Variants in ATAD2 observed in about 807,000 individuals in gnomAD.
The protein encoded by ATAD2 is ATPase family AAA domain containing 2, also known as ATPase family AAA domain-containing protein 2.
ATAD2 carries 62 observed loss-of-function variants against 168.9 expected under a neutral mutation model. The observed-to-expected ratio is 0.37, with a 90% confidence interval of 0.30 to 0.45. The LOEUF (loss-of-function observed/expected upper bound fraction) is 0.45. Among genes scored for constraint, ATAD2 ranks in the 20% least tolerant of loss-of-function variants. The probability of loss-of-function intolerance (pLI) is 1.00; values close to 1 mark genes in which losing one functional copy is unlikely to be tolerated. For missense variants in ATAD2, 1,419 were observed against 1,667.8 expected (o/e 0.85, Z 2.60); for synonymous variants, 613 against 571.6 (o/e 1.07, Z -1.03).
intron 24 of ATAD2, among the ~76,000 whole-genome samples, chr8:123,329,992 T>C (rs1827732827): frequency 6.8e-6 from 1 of 147,512 alleles, no homozygotes. Context: ...TTTTTTTTTT[T>C]TTTTTTTTTT....
intron 13 of ATAD2, chr8:123,356,001 T>G (rs1828630636): frequency 6.5e-6 from 1 of 152,792 alleles, no homozygotes; most frequent in Non-Finnish European, 1.5e-5. Context: ...CACTGCAACC[T>G]CCGCCTCCCG....
At chr8:123,351,361 G>C (rs1828453529) in intron 13 of ATAD2, among the ~76,000 whole-genome samples, 1 of 152,098 alleles carries the variant, frequency 6.6e-6, no homozygotes, top group South Asian at 2.1e-4. Flanking sequence ...CGTGTAAGAT[G>C]TTTAACAGCC....
In ATAD2 at chr8:123,346,711, C is replaced by G. The variant is rs1828255270; in HGVS notation, c.2252G>C (p.Ser751Thr). ...ATAAACTGATGGAACATCATCATCACTGTAAGCCAAGTCACTTTCTAGCAG... is the reference window on the plus strand; with the variant it reads ...ATAAACTGATGGAACATCATCATCAGTGTAAGCCAAGTCACTTTCTAGCAG... ...CPLLESDLAY[S>T]DDDVPSVYEN... The change falls in exon 17 of 28, where the codon AGT becomes ACT. Residue 751 changes from serine (S) to threonine (T), a missense_variant. Ser to Thr is a moderately conservative substitution (Grantham distance 58). This residue lies in a region of ATAD2 where 545 missense variants were observed against 724.9 expected (regional missense o/e 0.75). Coordinates refer to ENST00000287394, the MANE Select transcript of ATAD2 (RefSeq NM_014109.4). 6.3e-7 allele frequency: 1 copy of G among 1,596,496 alleles called. No individual in the cohort carries two copies. Among genetic ancestry groups the G allele is most frequent in the African/African-American group, 1.3e-5 (1 of 74,198 alleles).
chr8:123,337,672 T>C lies in ATAD2; in HGVS notation c.3004A>G (p.Ile1002Val), dbSNP rs1490945967. 5 of 1,613,372 alleles carry C rather than the reference T, an allele frequency of 3.1e-6. No homozygotes were observed. The highest frequency in any genetic ancestry group is 4.2e-6 in the Non-Finnish European group (5 of 1,179,732). Reference protein sequence around the residue: ...FLRNVTHRLAIDKRFRVFTKP... With the variant: ...FLRNVTHRLAVDKRFRVFTKP... ...GTAAACACTCGGAATCGCTTGTCAA[T>C]AGCAAGCCTATGTGTAACATTTCTT... The change falls in exon 21 of 28, where the codon ATT becomes GTT. Residue 1002 changes from isoleucine (I) to valine (V), a missense_variant. By Grantham distance (29) the Ile-to-Val change is conservative. Coordinates refer to ENST00000287394, the MANE Select transcript of ATAD2 (RefSeq NM_014109.4).
intron 1 of ATAD2, among the ~76,000 whole-genome samples, chr8:123,405,545 T>C (rs1167140966): frequency 1.3e-5 from 2 of 152,284 alleles, no homozygotes; most frequent in African/African-American, 4.8e-5. Context: ...ATTACAGACA[T>C]GAACCACCAC....
intron 20 of ATAD2, 70 bp from the exon 21 acceptor site, chr8:123,337,891 AAC>A (rs1273091587): frequency 7.8e-6 from 11 of 1,418,232 alleles, no homozygotes; most frequent in Non-Finnish European, 1.0e-5. Flanking sequence ...ATTTAATGAA[AAC>A]AGAGTCAGGA....
intron 24 of ATAD2, among the ~76,000 whole-genome samples, chr8:123,328,798 A>AAT (rs1554641494): frequency 0.024 from 3,016 of 126,898 alleles, 131 homozygotes; most frequent in African/African-American, 0.087. Context: ...TTATCTTGAA[A>AAT]TTTTTTTTTT....
chr8:123,374,904 T>C (rs1829258245), intron 2 of ATAD2, among the ~76,000 whole-genome samples: 1 of 152,174 alleles, frequency 6.6e-6, no homozygotes, highest in South Asian at 2.1e-4. Flanking sequence ...AGTAAGTAAG[T>C]ATGTAGATCG....
rs1827555434 is a variant in ATAD2 at position 123,324,592 on chromosome 8, A to T, written c.4002+1301T>A. 2.6e-5 allele frequency among the ~76,000 whole-genome samples: 4 copies of T among 152,152 alleles called. No individual in the cohort carries two copies. The South Asian group carries it at 8.3e-4, about 32-fold the overall frequency. On this transcript the variant is annotated intron_variant, in intron 26 of 27. Transcript: ENST00000287394. ...GTTACAGAGGTGATGGCTATTCCAA[A>T]AGTACAGAATAATAGAGCAAATGAT...
In ATAD2 at chr8:123,359,697, G is replaced by C. The variant is rs777761850; in HGVS notation, c.1158-12C>G. On this transcript the variant is annotated splice_polypyrimidine_tract_variant and intron_variant, in intron 9 of 27. Coordinates refer to ENST00000287394, the MANE Select transcript of ATAD2 (RefSeq NM_014109.4). The stretch of plus-strand genomic sequence containing the variant: ...TTAGTGGGAGGCACCTATTTAAAAA[G>C]ATTTTTTAAAACCACACAAACCCAT... The C allele has an allele frequency of 6.3e-7, 1 of 1,591,388 alleles. No individual in the cohort carries two copies. Among genetic ancestry groups the C allele is most frequent in the Non-Finnish European group, 8.6e-7 (1 of 1,163,004 alleles).
chr8:123,394,507 T>C (rs962181110), intron 1 of ATAD2, among the ~76,000 whole-genome samples: 1 of 152,052 alleles, frequency 6.6e-6, no homozygotes, highest in East Asian at 1.9e-4. Context: ...TGTATGTCTG[T>C]AATCCCAGCT....
At chr8:123,373,585 G>A (rs957873449) in intron 2 of ATAD2, among the ~76,000 whole-genome samples, 1 of 151,604 alleles carries the variant, frequency 6.6e-6, no homozygotes, top group Non-Finnish European at 1.5e-5. Context: ...TCAGGAAATC[G>A]AGACCATCCT....
chr8:123,391,485 G>GAAAAAAAA (rs10563871), intron 1 of ATAD2, among the ~76,000 whole-genome samples: 1 of 33,858 alleles, frequency 3.0e-5, no homozygotes, highest in African/African-American at 1.1e-4. Flanking sequence ...GAGAAGTTTT[G>GAAAAAAAA]AAAAAAAAAA....
chr8:123,326,892 G>A (rs1827630856), intron 25 of ATAD2, among the ~76,000 whole-genome samples: 2 of 152,072 alleles, frequency 1.3e-5, no homozygotes, highest in Non-Finnish European at 2.9e-5. Context: ...AAGGCCAGGA[G>A]AGGTGAAGAG....
intron 1 of ATAD2, chr8:123,401,917 G>C: frequency 1.3e-6 from 1 of 775,060 alleles, no homozygotes; most frequent in Non-Finnish European, 2.4e-6. Flanking sequence ...AGGACAAAGG[G>C]TCCATTCAGA....
chr8:123,404,566 T>TC lies in ATAD2; in HGVS notation c.-2281-3392_-2281-3391insG, dbSNP rs1491356545. ...CAAGTCTCTCCCCACTTTCTCTCTC[T>TC]TTTTTTTTTTTTTCTTTTGAGATGG... On this transcript the variant is annotated intron_variant, in intron 1 of 28. Coordinates refer to the ATAD2 transcript ENST00000521903. 5.2e-4 allele frequency among the ~76,000 whole-genome samples: 68 copies of TC among 130,752 alleles called. 2 individuals carry two copies. In the South Asian group the frequency reaches 0.013, roughly 26 times the overall value. 85.8% of individuals were successfully genotyped at this position (130,752 alleles called of 152,430 possible).
In ATAD2 at chr8:123,325,766, G is replaced by A. The variant is rs1827598154; in HGVS notation, c.4002+127C>T. ...GGAAGGAGAAGAACAGTAAAGGGAA[G>A]CTTGGAGGAAAAAAAGTTTTACTTT... On this transcript the variant is annotated intron_variant, in intron 26 of 27. Transcript: ENST00000287394. 6.5e-6 allele frequency: 8 copies of A among 1,237,034 alleles called. No individual in the cohort carries two copies. In the South Asian group the frequency reaches 7.5e-5, roughly 12 times the overall value. The allele number at this position is 1,237,034 out of a possible 1,614,324, so 76.6% of individuals were successfully genotyped here.
Position 123,345,050 on chromosome 8 carries a change from C to A in ATAD2, c.2552G>T (p.Arg851Ile), listed in dbSNP as rs772625726. 6.2e-7 allele frequency: 1 copy of A among 1,608,672 alleles called. No individual in the cohort carries two copies. Among genetic ancestry groups the A allele is most frequent in the South Asian group, 1.1e-5 (1 of 90,706 alleles). ...AACATACACTATACTTGGTGCTGTT[C>A]TCTTAGCTTCACGAATCACCTAGTA... ...TCAQVIREAK[R>I]TAPSIVYVPH... is the part of the protein sequence containing the mutation. Residue 851 changes from arginine (R) to isoleucine (I), a missense_variant, in exon 19 of 28, where the codon AGA (arginine) becomes ATA (isoleucine). Around this residue, in one of 5 missense-constraint regions of ATAD2, gnomAD observed 545 missense variants for 724.9 expected, o/e 0.75. Transcript: ENST00000287394.
At chr8:123,401,373 T>G (rs1586912846), upstream of ATAD2, 1 of 1,404,652 alleles carries the variant, frequency 7.1e-7, no homozygotes, top group African/African-American at 1.4e-5. Context: ...CCCAGGCGGG[T>G]GTCGACGTCA....
Sources: allele counts gnomAD v4.1 joint callset (sites outside exome capture counted in the v4.1 genomes callset), GRCh38; gene constraint gnomAD v4.1.1; regional missense constraint gnomAD v4.1.1; transcripts MANE v1.5; gene names NCBI Gene and HGNC (gene_info 2026-07-23, HGNC 2026-07-21).